The following TAX1BP1 variants were observed in gnomAD, a reference collection of about 807,000 sequenced individuals.
TAX1BP1 encodes the protein tax1-binding protein 1.
TAX1BP1 carries 62 observed loss-of-function variants against 97.7 expected under a neutral mutation model. That is an observed-to-expected ratio of 0.63 (90% CI 0.52 to 0.78). The LOEUF is 0.78. TAX1BP1 is among the 30% of genes least tolerant of loss of function. TAX1BP1 has a pLI of 0.00. For missense variants in TAX1BP1, 867 were observed against 916.1 expected, an observed-to-expected ratio of 0.95 and a Z score of 0.69; for synonymous variants, 340 against 304.2, an observed-to-expected ratio of 1.12 and a Z score of -1.23.
At chr7:27,749,775 T>C (rs1787956468) in intron 2 of TAX1BP1, among the ~76,000 whole-genome samples, 1 of 152,150 alleles carries the variant, frequency 6.6e-6, no homozygotes. Context: ...TTTTATGAAA[T>C]TAGGAGTAGT....
In TAX1BP1 at chr7:27,751,423, TAATA is replaced by T. The variant is rs1476394470; in HGVS notation, c.162+2742_162+2745del. 2.0e-5 allele frequency among the ~76,000 whole-genome samples: 3 copies of T among 152,296 alleles called. No individual in the cohort carries two copies. The South Asian group carries it at 6.2e-4, about 32-fold the overall frequency. On this transcript the variant is annotated intron_variant, in intron 2 of 16. Coordinates refer to ENST00000396319, the MANE Select transcript of TAX1BP1 (RefSeq NM_006024.7). ...ATTATACACATGCATAATGTGTGTA[TAATA>T]AATATATACACACATACTACTGATG...
chr7:27,752,559 A>G (rs1286287617), intron 2 of TAX1BP1, among the ~76,000 whole-genome samples: 1 of 152,184 alleles, frequency 6.6e-6, no homozygotes, highest in Non-Finnish European at 1.5e-5. Context: ...CATTATTGAA[A>G]TGATTGACTG....
At chr7:27,746,012 A>T (rs1437346433) in intron 1 of TAX1BP1, among the ~76,000 whole-genome samples, 1 of 152,076 alleles carries the variant, frequency 6.6e-6, no homozygotes, top group Non-Finnish European at 1.5e-5. Context: ...ATAAGGTTGG[A>T]TTGTGGGTTT....
chr7:27,778,891 G>GT (rs1424092944), intron 5 of TAX1BP1, among the ~76,000 whole-genome samples: 5 of 150,926 alleles, frequency 3.3e-5, no homozygotes, highest in Non-Finnish European at 7.4e-5. Flanking sequence ...AATTTGGATG[G>GT]TTTTTTGTAT....
chr7:27,812,713 A>G (rs1209654187), intron 13 of TAX1BP1, among the ~76,000 whole-genome samples: 1 of 152,186 alleles, frequency 6.6e-6, no homozygotes, highest in African/African-American at 2.4e-5. Context: ...TTTAAAGATC[A>G]TGTTGAAAAG....
intron 3 of TAX1BP1, 108 bp downstream of exon 3, chr7:27,758,241 T>G: frequency 1.3e-6 from 1 of 767,810 alleles, no homozygotes. Flanking sequence ...GGTACCAAAG[T>G]TGAATTAGTT....
intron 13 of TAX1BP1, among the ~76,000 whole-genome samples, chr7:27,800,381 C>A (rs1351059430): frequency 6.6e-6 from 1 of 151,974 alleles, no homozygotes; most frequent in Non-Finnish European, 1.5e-5. Context: ...TGATCATTAT[C>A]CTCCTGTTCA....
At chr7:27,772,845 G>A (rs542529293) in intron 5 of TAX1BP1, among the ~76,000 whole-genome samples, 1 of 152,018 alleles carries the variant, frequency 6.6e-6, no homozygotes, top group South Asian at 2.1e-4. Flanking sequence ...TTTATAAATT[G>A]AGAAACAATA....
Position 27,822,326 on chromosome 7 carries a change from C to A in TAX1BP1, c.2085+5288C>A, listed in dbSNP as rs1236641595. 2.6e-5 allele frequency among the ~76,000 whole-genome samples: 4 copies of A among 152,236 alleles called. No homozygotes were observed. In the East Asian group the frequency reaches 7.7e-4, roughly 29 times the overall value. Reference sequence around the variant, plus strand: ...GTGCTTTTGTTTTCATACCTTTTTACTTCTTTGGGGAAAGTGGAATTACTA... The same window carrying A: ...GTGCTTTTGTTTTCATACCTTTTTAATTCTTTGGGGAAAGTGGAATTACTA... On this transcript the variant is annotated intron_variant, in intron 15 of 16. Coordinates refer to ENST00000396319, the MANE Select transcript of TAX1BP1 (RefSeq NM_006024.7).
At chr7:27,792,826 G>A (rs1789771368) in intron 9 of TAX1BP1, among the ~76,000 whole-genome samples, 1 of 152,050 alleles carries the variant, frequency 6.6e-6, no homozygotes, top group Non-Finnish European at 1.5e-5. Flanking sequence ...ACCCAGGTGT[G>A]GTGGTGTGCA....
At chr7:27,753,805 A>G (rs538040622) in intron 2 of TAX1BP1, among the ~76,000 whole-genome samples, 1 of 152,328 alleles carries the variant, frequency 6.6e-6, no homozygotes, top group African/African-American at 2.4e-5. Flanking sequence ...CTCTCAAAAT[A>G]TTAAAATATC....
intron 2 of TAX1BP1, among the ~76,000 whole-genome samples, chr7:27,756,795 A>G (rs1439568311): frequency 6.6e-6 from 1 of 152,168 alleles, no homozygotes; most frequent in Non-Finnish European, 1.5e-5. Context: ...CAGGTGAGGT[A>G]AATGACTTGT....
intron 2 of TAX1BP1, among the ~76,000 whole-genome samples, chr7:27,753,269 C>T (rs745411598): frequency 6.6e-5 from 10 of 152,034 alleles, no homozygotes; most frequent in Middle Eastern, 3.2e-3. Context: ...CACTGCACTC[C>T]AGCCTGGGCG....
chr7:27,804,495 A>G (rs538501210), intron 13 of TAX1BP1, among the ~76,000 whole-genome samples: 21 of 152,346 alleles, frequency 1.4e-4, no homozygotes, highest in Non-Finnish European at 1.3e-4. Flanking sequence ...ACTAACTACC[A>G]TGAGTTAGCA....
intron 13 of TAX1BP1, among the ~76,000 whole-genome samples, chr7:27,801,027 C>G (rs1408033655): frequency 6.6e-6 from 1 of 150,936 alleles, no homozygotes; most frequent in Non-Finnish European, 1.5e-5. Flanking sequence ...TCGCTTGAAC[C>G]CTGGAGGCGG....
intron 13 of TAX1BP1, among the ~76,000 whole-genome samples, chr7:27,810,280 C>T (rs1790507780): frequency 6.6e-6 from 1 of 151,924 alleles, no homozygotes; most frequent in Non-Finnish European, 1.5e-5. Flanking sequence ...AGTCACATGC[C>T]AGTCTTGAAT....
Position 27,785,247 on chromosome 7 carries a change from C to G in TAX1BP1, c.697C>G (p.Gln233Glu), listed in dbSNP as rs762579686. 2.0e-5 allele frequency: 33 copies of G among 1,613,270 alleles called. No individual in the cohort carries two copies. Among genetic ancestry groups the G allele is most frequent in the Non-Finnish European group, 2.7e-5 (32 of 1,179,668 alleles). The change falls in exon 6 of 17, where the codon CAG (glutamine) becomes GAG (glutamate). Residue 233 changes from glutamine to glutamate, a missense_variant. By Grantham distance (29) the Gln-to-Glu change is conservative. Around this residue, in one of 3 missense-constraint regions of TAX1BP1, gnomAD observed 822 missense variants for 851.4 expected, o/e 0.97. Transcript: ENST00000396319. ...CAGTGATGCTACATCCAAAGCCCAT[C>G]AGCTTGAGGAAGATATTGTGTCAGT... ...RFSDATSKAH[Q>E]LEEDIVSVTH...
At chr7:27,808,094 C>G (rs1450360027) in intron 13 of TAX1BP1, among the ~76,000 whole-genome samples, 1 of 152,110 alleles carries the variant, frequency 6.6e-6, no homozygotes, top group Non-Finnish European at 1.5e-5. Flanking sequence ...CTCCAAGGAG[C>G]CCTGTTCCAT....
chr7:27,816,338 G>A lies in TAX1BP1; in HGVS notation c.1765-11G>A. 1.9e-6 allele frequency: 3 copies of A among 1,547,460 alleles called. No individual in the cohort carries two copies. Among genetic ancestry groups the A allele is most frequent in the Non-Finnish European group, 2.6e-6 (3 of 1,158,110 alleles). ...GCTTTGCTTATTCATCTTTGTTTTT[G>A]TTAATTTTAGGAACTTAAAAGGAGT... On this transcript the variant is annotated splice_polypyrimidine_tract_variant and intron_variant, in intron 13 of 16. Transcript: ENST00000396319.
Sources: allele counts gnomAD v4.1 joint callset (sites outside exome capture counted in the v4.1 genomes callset), GRCh38; gene constraint gnomAD v4.1.1; regional missense constraint gnomAD v4.1.1; transcripts MANE v1.5; gene names NCBI Gene and HGNC (gene_info 2026-07-23, HGNC 2026-07-21).